FAM210A: variants seen among roughly 807,000 people sequenced by gnomAD.
FAM210A encodes the protein family with sequence similarity 210 member A.
In FAM210A, 13 loss-of-function variants were observed where a neutral mutation model predicts 25.3. The observed-to-expected ratio is 0.51, with a 90% CI of 0.33 to 0.82. The LOEUF is 0.82. Ranked by LOEUF, FAM210A falls within the 40% of genes least tolerant of loss-of-function variation. The pLI is 0.02. For missense variants in FAM210A, 319 were observed against 323.2 expected (o/e 0.99, Z 0.10); for synonymous variants, 125 against 118.7 (o/e 1.05, Z -0.35).
chr18:13,695,068 C>A (rs1417327972), intron 1 of FAM210A, among the ~76,000 whole-genome samples: 1 of 152,194 alleles, frequency 6.6e-6, no homozygotes, highest in Non-Finnish European at 1.5e-5. Flanking sequence ...TGAAAAGACA[C>A]TTCTAAAAAG....
intron 1 of FAM210A, among the ~76,000 whole-genome samples, chr18:13,725,424 T>G (rs1226847267): frequency 2.0e-5 from 3 of 152,188 alleles, no homozygotes; most frequent in Non-Finnish European, 4.4e-5. Flanking sequence ...GTGATTAGAT[T>G]GGAAAGCACA....
chr18:13,717,921 G>T (rs981894787), intron 1 of FAM210A, among the ~76,000 whole-genome samples: 1 of 152,184 alleles, frequency 6.6e-6, no homozygotes, highest in African/African-American at 2.4e-5. Flanking sequence ...CCTACGGACA[G>T]GGCCGCATAC....
intron 3 of FAM210A, among the ~76,000 whole-genome samples, chr18:13,671,179 T>C (rs983308290): frequency 6.6e-6 from 1 of 152,182 alleles, no homozygotes; most frequent in Non-Finnish European, 1.5e-5. Context: ...TCTCCTCTTT[T>C]GGCTTTGGAG....
rs72886103 is a variant in FAM210A at position 13,684,570 on chromosome 18, G to T, written c.-28-2465C>A. Among the ~76,000 whole-genome samples, 1,385 of 152,064 alleles carry T rather than the reference G, an allele frequency of 9.1e-3. 14 individuals carry two copies. Among genetic ancestry groups the T allele is most frequent in the Non-Finnish European group, 0.013 (908 of 67,968 alleles). Reference sequence around the variant, plus strand: ...ACGAGAGGATCAAAATAAATGAGGTGAAAACTACAGAACAGAAAGGAGGAA... The same window carrying T: ...ACGAGAGGATCAAAATAAATGAGGTTAAAACTACAGAACAGAAAGGAGGAA... On this transcript the variant is annotated intron_variant, in intron 1 of 3. Transcript: ENST00000651643.
chr18:13,703,211 CT>C (rs1301638676), intron 1 of FAM210A, among the ~76,000 whole-genome samples: 1 of 152,124 alleles, frequency 6.6e-6, no homozygotes, highest in Admixed American at 6.5e-5. Flanking sequence ...TATGAAAGAG[CT>C]TTGGTATGTA....
chr18:13,718,351 A>G (rs1353598848), intron 1 of FAM210A, among the ~76,000 whole-genome samples: 1 of 152,202 alleles, frequency 6.6e-6, no homozygotes, highest in Non-Finnish European at 1.5e-5. Flanking sequence ...GTACAACTGT[A>G]TAAAAGCAGC....
intron 1 of FAM210A, among the ~76,000 whole-genome samples, chr18:13,691,694 G>C (rs1262647157): frequency 6.7e-6 from 1 of 149,762 alleles, no homozygotes; most frequent in East Asian, 1.9e-4. Flanking sequence ...TTACAGACAA[G>C]CAAATGCTGA....
At chr18:13,717,199 G>A (rs1029498258) in intron 1 of FAM210A, among the ~76,000 whole-genome samples, 2 of 152,152 alleles carry the variant, frequency 1.3e-5, no homozygotes, top group African/African-American at 4.8e-5. Flanking sequence ...ATCCCCCCAA[G>A]CAATGTTTAC....
At chr18:13,724,420 T>C (rs1243359302) in intron 1 of FAM210A, among the ~76,000 whole-genome samples, 1 of 152,174 alleles carries the variant, frequency 6.6e-6, no homozygotes, top group Non-Finnish European at 1.5e-5. Flanking sequence ...CACTCATAAC[T>C]ATACCACTGG....
At chr18:13,725,099 A>G (rs892188598) in intron 1 of FAM210A, among the ~76,000 whole-genome samples, 1 of 152,216 alleles carries the variant, frequency 6.6e-6, no homozygotes, top group Non-Finnish European at 1.5e-5. Context: ...TGTTTTTAAA[A>G]GTCAAAATTA....
At chr18:13,688,372 G>A (rs552116145) in intron 1 of FAM210A, among the ~76,000 whole-genome samples, 54 of 152,308 alleles carry the variant, frequency 3.5e-4, no homozygotes, top group African/African-American at 1.2e-3. Flanking sequence ...CTGACAGAGG[G>A]GAGAAGTGGC....
intron 3 of FAM210A, among the ~76,000 whole-genome samples, chr18:13,671,234 C>G (rs1170099162): frequency 3.3e-5 from 5 of 152,110 alleles, no homozygotes; most frequent in African/African-American, 2.4e-5. Context: ...TTCCTTCTCC[C>G]TTCCTTCTTG....
intron 2 of FAM210A, 66 bp downstream of exon 2, chr18:13,681,539 A>T (rs574488382): frequency 8.1e-7 from 1 of 1,236,022 alleles, no homozygotes; most frequent in Non-Finnish European, 1.1e-6. Context: ...AGCTATCATT[A>T]GTACAATTAA....
At chr18:13,669,889 T>C (rs1279597500) in intron 3 of FAM210A, among the ~76,000 whole-genome samples, 1 of 152,198 alleles carries the variant, frequency 6.6e-6, no homozygotes, top group Admixed American at 6.5e-5. Context: ...TTTGGGGACT[T>C]TGTCTTGTTG....
chr18:13,668,940 C>T (rs906344059), intron 3 of FAM210A, among the ~76,000 whole-genome samples: 1 of 152,186 alleles, frequency 6.6e-6, no homozygotes, highest in African/African-American at 2.4e-5. Flanking sequence ...AACTGACCTT[C>T]GGATCTTCGA....
At chr18:13,682,863 C>A (rs12961113) in intron 1 of FAM210A, among the ~76,000 whole-genome samples, 1 of 151,798 alleles carries the variant, frequency 6.6e-6, no homozygotes, top group East Asian at 1.9e-4. Flanking sequence ...AGCAAGACTC[C>A]GTTTCAAAAA....
chr18:13,717,475 G>A (rs1294027245), intron 1 of FAM210A, among the ~76,000 whole-genome samples: 7 of 151,930 alleles, frequency 4.6e-5, no homozygotes, highest in East Asian at 1.9e-4. Context: ...CCACTGCACC[G>A]CTAACTACAA....
At chr18:13,667,971 G>A (rs1046419033) in intron 3 of FAM210A, among the ~76,000 whole-genome samples, 8 of 152,232 alleles carry the variant, frequency 5.3e-5, no homozygotes, top group African/African-American at 1.9e-4. Flanking sequence ...GCTGATGCAG[G>A]AGGACTGCTC....
intron 1 of FAM210A, among the ~76,000 whole-genome samples, chr18:13,711,003 T>C (rs1296042): frequency 0.9 from 137,522 of 152,308 alleles, 62,144 homozygotes; most frequent in East Asian, 0.95. Flanking sequence ...TGTATAGATA[T>C]GCCATCAAGA....
Sources: allele counts gnomAD v4.1 joint callset (sites outside exome capture counted in the v4.1 genomes callset), GRCh38; gene constraint gnomAD v4.1.1; transcripts MANE v1.5; gene names NCBI Gene and HGNC (gene_info 2026-07-23, HGNC 2026-07-21).